The following HPSE variants were observed in gnomAD, a reference collection of about 807,000 sequenced individuals.
HPSE encodes the protein endo-glucoronidase.
In HPSE, 48 loss-of-function variants were observed where a neutral mutation model predicts 65.1. The ratio of observed to expected loss-of-function variants is 0.74; its 90% CI spans 0.58 to 0.94. HPSE has a LOEUF of 0.94. Among genes scored for constraint, HPSE ranks in the 40% least tolerant of loss-of-function variants. The pLI is 0.00. For missense variants in HPSE, 644 were observed against 637.5 expected (o/e 1.01, Z -0.11); for synonymous variants, 243 against 260.0 (o/e 0.93, Z 0.63).
chr4:83,295,392 T>C lies in HPSE; in HGVS notation c.1584A>G (p.Ser528=), dbSNP rs1241046274. The part of the protein sequence containing the change: ...PGSSLGLPAF[S]YSFFVIRNAK... ...CATTTCTTATCACAAAAAAACTATATGAGAAAGCTGGCAAGCCCAGTGAAC... is the reference window on the plus strand; with the variant it reads ...CATTTCTTATCACAAAAAAACTATACGAGAAAGCTGGCAAGCCCAGTGAAC... The change falls in exon 12 of 12, where the codon TCA becomes TCG. Residue 528 remains serine (S), a synonymous_variant. Coordinates refer to ENST00000311412, the MANE Select transcript of HPSE (RefSeq NM_001098540.3). 4 of 1,612,530 alleles carry C rather than the reference T, an allele frequency of 2.5e-6. No individual in the cohort carries two copies. The highest frequency in any genetic ancestry group is 1.3e-5 in the African/African-American group (1 of 74,868).
Position 83,329,529 on chromosome 4 carries a change from A to G in HPSE, c.227+5027T>C, listed in dbSNP as rs184870243. Among the ~76,000 whole-genome samples, 138 of 152,284 alleles carry G rather than the reference A, an allele frequency of 9.1e-4. 1 individual carries two copies. The highest frequency in any genetic ancestry group is 1.5e-3 in the African/African-American group (63 of 41,534). ...TTTAAAAATTGTTATGATGGGTGCT[A>G]TGGAGTAGAAGAGCTATGGTCTGGC... On this transcript the variant is annotated intron_variant, in intron 1 of 11. Coordinates refer to ENST00000311412, the MANE Select transcript of HPSE (RefSeq NM_001098540.3).
chr4:83,327,161 G>A (rs1421611983), intron 1 of HPSE, among the ~76,000 whole-genome samples: 2 of 152,274 alleles, frequency 1.3e-5, no homozygotes, highest in East Asian at 3.9e-4. Context: ...TAAGTACTTG[G>A]CACACCGCTG....
Position 83,309,406 on chromosome 4 carries a change from A to C in HPSE, c.980T>G (p.Phe327Cys). The C allele has an allele frequency of 6.5e-7, 1 of 1,537,812 alleles. No homozygotes were observed. Among genetic ancestry groups the C allele is most frequent in the Non-Finnish European group, 8.9e-7 (1 of 1,123,654 alleles). Residue 327 changes from phenylalanine (F) to cysteine (C), a missense_variant, in exon 7 of 12, where the codon TTC becomes TGC. Physicochemically the swap from Phe to Cys is radical, Grantham distance 205. Coordinates refer to ENST00000311412, the MANE Select transcript of HPSE (RefSeq NM_001098540.3). Reference sequence around the variant, plus strand: ...AAAGTTTAAAAAGACTATTACCTGGAAAACTTTTTGCACAGATGAAATAAA... The same window carrying C: ...AAAGTTTAAAAAGACTATTACCTGGCAAACTTTTTGCACAGATGAAATAAA... ...DIFISSVQKV[F>C]QVVESTRPGK...
intron 1 of HPSE, among the ~76,000 whole-genome samples, chr4:83,330,896 T>C (rs1737337907): frequency 6.6e-6 from 1 of 152,180 alleles, no homozygotes; most frequent in South Asian, 2.1e-4. Context: ...ATGTGGCTAC[T>C]GAACGCTTGA....
intron 1 of HPSE, among the ~76,000 whole-genome samples, chr4:83,325,312 C>T (rs1346620359): frequency 1.3e-5 from 2 of 151,950 alleles, no homozygotes; most frequent in Non-Finnish European, 2.9e-5. Context: ...ACTATACGCA[C>T]CCACCACCAT....
intron 9 of HPSE, among the ~76,000 whole-genome samples, chr4:83,303,737 G>A (rs556922983): frequency 7.9e-5 from 12 of 152,090 alleles, no homozygotes; most frequent in East Asian, 5.8e-4. Context: ...TTTTGTTGCC[G>A]TAGCTGGTCT....
In HPSE at chr4:83,306,970, G is replaced by A. The variant is rs137901203; in HGVS notation, c.1092-653C>T. Reference sequence around the variant, plus strand: ...TGGATCATTTGAGACCACCCAGACCGGTAATCTGGCCCAACCAGTTCTGCC... The same window carrying A: ...TGGATCATTTGAGACCACCCAGACCAGTAATCTGGCCCAACCAGTTCTGCC... On this transcript the variant is annotated intron_variant, in intron 8 of 11. Transcript: ENST00000311412. 3.2e-3 allele frequency among the ~76,000 whole-genome samples: 490 copies of A among 152,104 alleles called. 5 individuals carry two copies. The highest frequency in any genetic ancestry group is 0.011 in the African/African-American group (475 of 41,496).
intron 2 of HPSE, among the ~76,000 whole-genome samples, chr4:83,321,176 C>T (rs958544126): frequency 6.6e-6 from 1 of 150,844 alleles, no homozygotes; most frequent in Admixed American, 6.6e-5. Context: ...CCAGCCTGGG[C>T]AACAGAGTGG....
At chr4:83,301,444 G>A (rs984754207) in intron 10 of HPSE, among the ~76,000 whole-genome samples, 8 of 152,156 alleles carry the variant, frequency 5.3e-5, no homozygotes, top group Non-Finnish European at 8.8e-5. Flanking sequence ...AAGGTAAAAG[G>A]CAAATTTTGT....
intron 11 of HPSE, among the ~76,000 whole-genome samples, chr4:83,299,524 G>GA (rs1489586541): frequency 9.9e-5 from 15 of 151,898 alleles, no homozygotes; most frequent in Admixed American, 8.5e-4. Flanking sequence ...GCATAGAGGG[G>GA]AAAAAATAAA....
chr4:83,296,311 G>A (rs1483071592), intron 11 of HPSE, among the ~76,000 whole-genome samples: 1 of 152,130 alleles, frequency 6.6e-6, no homozygotes, highest in Non-Finnish European at 1.5e-5. Flanking sequence ...TAAATAAGAT[G>A]CTTATATCTC....
intron 1 of HPSE, among the ~76,000 whole-genome samples, chr4:83,331,370 A>C (rs1165464263): frequency 1.3e-5 from 2 of 152,226 alleles, no homozygotes; most frequent in Non-Finnish European, 2.9e-5. Context: ...ACTAAATAAA[A>C]TTATTAAAAT....
At chr4:83,308,619 A>T (rs961832972) in intron 8 of HPSE, among the ~76,000 whole-genome samples, 16 of 152,164 alleles carry the variant, frequency 1.1e-4, no homozygotes, top group African/African-American at 3.9e-4. Flanking sequence ...TTAAAGGCCA[A>T]AATTTCTGAA....
At chr4:83,301,199 A>C (rs2126183495) in intron 10 of HPSE, 93 bp from the exon 11 acceptor site, 1 of 752,522 alleles carries the variant, frequency 1.3e-6, no homozygotes, top group South Asian at 2.2e-5. Context: ...ATTAGTATCC[A>C]TAATGACAAT....
chr4:83,311,247 G>A (rs966649745), intron 4 of HPSE, among the ~76,000 whole-genome samples: 4 of 152,154 alleles, frequency 2.6e-5, no homozygotes, highest in African/African-American at 7.2e-5. Flanking sequence ...CGAGGCCATA[G>A]TGAGCCATGA....
chr4:83,313,756 C>T (rs186286526), intron 3 of HPSE, among the ~76,000 whole-genome samples: 28 of 152,184 alleles, frequency 1.8e-4, no homozygotes, highest in Admixed American at 1.1e-3. Flanking sequence ...TAAAATGAAT[C>T]AAATTTTACA....
rs150778862 is a variant in HPSE, at chr4:83,310,844, C to G, written c.720G>C (p.Ser240=). The change falls in exon 5 of 12, where the codon TCG becomes TCC. Residue 240 remains serine, a synonymous_variant. Transcript: ENST00000311412. ...ATTGAATAAAATCTTCTCCTAACTG[C>G]GACCCATTGATGAAAATATCAGCCT... ...LKKADIFING[S]QLGEDFIQLH... 1.2e-6 allele frequency: 2 copies of G among 1,613,574 alleles called. No individual in the cohort carries two copies. The highest frequency in any genetic ancestry group is 1.1e-5 in the South Asian group (1 of 91,054).
chr4:83,313,682 T>C (rs1052554491), intron 3 of HPSE, among the ~76,000 whole-genome samples: 1 of 152,206 alleles, frequency 6.6e-6, no homozygotes, highest in Admixed American at 6.5e-5. Flanking sequence ...TTAAAAAATA[T>C]TTTGATAATT....
chr4:83,322,789 T>TTGTGTGTGTGTG (rs386400677), intron 1 of HPSE, among the ~76,000 whole-genome samples: 8 of 104,000 alleles, frequency 7.7e-5, no homozygotes, highest in Admixed American at 5.0e-4. Context: ...AAGAGCTTGT[T>TTGTGTGTGTGTG]TGTGTGTGTG....
Sources: allele counts gnomAD v4.1 joint callset (sites outside exome capture counted in the v4.1 genomes callset), GRCh38; gene constraint gnomAD v4.1.1; transcripts MANE v1.5; gene names NCBI Gene and HGNC (gene_info 2026-07-23, HGNC 2026-07-21).